Variants in SMCHD1 observed in about 807,000 individuals in gnomAD.
SMCHD1 encodes the protein structural maintenance of chromosomes flexible hinge domain containing 1.
Under a neutral mutation model 254.7 loss-of-function variants are expected in SMCHD1, and 78 were observed. The ratio of observed to expected loss-of-function variants is 0.31; its 90% CI spans 0.26 to 0.37. The LOEUF (loss-of-function observed/expected upper bound fraction) is 0.37, where lower values mean the gene tolerates loss of function less well. SMCHD1 is among the 10% of genes least tolerant of loss of function. The pLI, the probability that SMCHD1 is intolerant of heterozygous loss-of-function variation, is 1.00. For missense variants in SMCHD1, 1,840 were observed against 2,408.1 expected (o/e 0.76, Z 4.94); for synonymous variants, 766 against 794.9 (o/e 0.96, Z 0.61).
chr18:2,770,120 T>C lies in SMCHD1; in HGVS notation c.4966+12T>C. 1 of 1,597,166 alleles carries C rather than the reference T, an allele frequency of 6.3e-7. No individual in the cohort carries two copies. ...TAATGAAATGAAATGTAAGTCATTT[T>C]GTATTCAAGACAAAAATTATGCTTT... On this transcript the variant is annotated intron_variant, in intron 39 of 47. Coordinates refer to ENST00000320876, the MANE Select transcript of SMCHD1 (RefSeq NM_015295.3).
At chr18:2,681,001 C>G (rs995330237) in intron 5 of SMCHD1, among the ~76,000 whole-genome samples, 8 of 152,162 alleles carry the variant, frequency 5.3e-5, no homozygotes, top group Admixed American at 4.6e-4. Context: ...CTCAGTGGCT[C>G]ACACCTGTAA....
At chr18:2,793,512 A>G (rs113509563) in intron 45 of SMCHD1, among the ~76,000 whole-genome samples, 3,434 of 152,114 alleles carry the variant, frequency 0.023, 51 homozygotes, top group African/African-American at 0.037. Flanking sequence ...AAATACAAAA[A>G]AAATCAGCTG....
intron 8 of SMCHD1, among the ~76,000 whole-genome samples, chr18:2,695,200 A>G (rs2074260696): frequency 6.6e-6 from 1 of 152,218 alleles, no homozygotes; most frequent in Admixed American, 6.5e-5. Context: ...CCTATATGAC[A>G]TTAGTACTGA....
chr18:2,666,170 C>T lies in SMCHD1; in HGVS notation c.200C>T (p.Ser67Leu), dbSNP rs1339052681. 14 of 1,530,000 alleles carry T rather than the reference C, an allele frequency of 9.2e-6. No individual in the cohort carries two copies. The highest frequency in any genetic ancestry group is 2.7e-5 in the African/African-American group (2 of 73,210). 94.8% of individuals were successfully genotyped at this position (1,530,000 alleles called of 1,614,324 possible). The change falls in exon 2 of 48, where the codon TCA becomes TTA. Residue 67 changes from serine (S) to leucine (L), a missense_variant. By Grantham distance (145) the Ser-to-Leu change is moderately radical. Around this residue, in one of 9 missense-constraint regions of SMCHD1, gnomAD observed 115 missense variants for 99.1 expected, o/e 1.16. Coordinates refer to ENST00000320876, the MANE Select transcript of SMCHD1 (RefSeq NM_015295.3). ...TATTTTGGATAGACACTTGGCATTT[C>T]ACCTGAAGAAAAATTTGTTATTACA... Reference protein sequence around the residue: ...RACVCQTLGISPEEKFVITTT... With the variant: ...RACVCQTLGILPEEKFVITTT...
chr18:2,791,096 A>G (rs767364038), intron 45 of SMCHD1, among the ~76,000 whole-genome samples: 4 of 152,234 alleles, frequency 2.6e-5, no homozygotes, highest in Non-Finnish European at 5.9e-5. Context: ...ATATAATCTT[A>G]CAGTAAGCAG....
intron 36 of SMCHD1, among the ~76,000 whole-genome samples, chr18:2,762,791 A>G (rs1285952050): frequency 2.6e-5 from 4 of 152,124 alleles, no homozygotes; most frequent in Non-Finnish European, 5.9e-5. Flanking sequence ...CCCAGCTGCT[A>G]CCTTTTCTAA....
At position 2,732,576 on chromosome 18, in the gene SMCHD1, G is replaced by A. The variant is rs564471371; in HGVS notation, c.3276+84G>A. ...GACTGAACAAGCCGTTTTATGGGTAGCATCTAAAAAAGAAGCTTGTCACAG... is the reference window on the plus strand; with the variant it reads ...GACTGAACAAGCCGTTTTATGGGTAACATCTAAAAAAGAAGCTTGTCACAG... On this transcript the variant is annotated intron_variant, in intron 25 of 47. Coordinates refer to ENST00000320876, the MANE Select transcript of SMCHD1 (RefSeq NM_015295.3). 5.5e-4 allele frequency: 444 copies of A among 802,152 alleles called. 6 individuals carry two copies. In the South Asian group the frequency reaches 8.5e-3, roughly 15 times the overall value. 49.7% of individuals were successfully genotyped at this position (802,152 alleles called of 1,614,324 possible).
intron 47 of SMCHD1, 36 bp downstream of exon 47, chr18:2,796,557 GT>G: frequency 7.4e-7 from 1 of 1,348,350 alleles, no homozygotes; most frequent in Non-Finnish European, 1.0e-6. Flanking sequence ...TGCTTGGTTA[GT>G]TTACCAAAGT....
Position 2,776,519 on chromosome 18 carries a change from A to G in SMCHD1, c.5366+595A>G, listed in dbSNP as rs1047206777. Among the ~76,000 whole-genome samples the G allele has an allele frequency of 2.6e-4, 39 of 151,924 alleles. 1 individual carries two copies. Among genetic ancestry groups the G allele is most frequent in the Non-Finnish European group, 1.5e-4 (10 of 67,978 alleles). ...TCACTGCACCCAGCCCCTTTTTTATATTTTATATGTACCCTGATTAGGCCT... is the reference window on the plus strand; with the variant it reads ...TCACTGCACCCAGCCCCTTTTTTATGTTTTATATGTACCCTGATTAGGCCT... On this transcript the variant is annotated intron_variant, in intron 42 of 47. Transcript: ENST00000320876.
At chr18:2,796,694 C>A in intron 47 of SMCHD1, 173 bp downstream of exon 47, 1 of 553,936 alleles carries the variant, frequency 1.8e-6, no homozygotes. Flanking sequence ...GATTCTTGTG[C>A]CTCAGCCTCC....
intron 19 of SMCHD1, among the ~76,000 whole-genome samples, chr18:2,721,320 T>C (rs1449425523): frequency 6.6e-6 from 1 of 152,200 alleles, no homozygotes; most frequent in Non-Finnish European, 1.5e-5. Flanking sequence ...TACAGGGTTT[T>C]TGGAGAGAAC....
In SMCHD1 at chr18:2,673,289, C is replaced by G. The variant is rs529369043; in HGVS notation, c.433C>G (p.Leu145Val). Reference sequence around the variant, plus strand: ...TTCTTGATCTCTTGCAGCATTTGCTCTTGCGGAATTAATTGACAATTCATT... The same window carrying G: ...TTCTTGATCTCTTGCAGCATTTGCTGTTGCGGAATTAATTGACAATTCATT... The part of the protein sequence containing the change: ...SEGQNPLPFA[L>V]AELIDNSLSA... The change falls in exon 4 of 48, where the codon CTT becomes GTT. Residue 145 changes from leucine (L) to valine (V), a missense_variant. By Grantham distance (32) the Leu-to-Val change is conservative (BLOSUM62 1). Transcript: ENST00000320876. The G allele has an allele frequency of 7.5e-6, 12 of 1,594,250 alleles. No individual in the cohort carries two copies. In the East Asian group the frequency reaches 1.6e-4, roughly 21 times the overall value.
chr18:2,699,952 A>G (rs1240192479), intron 10 of SMCHD1, among the ~76,000 whole-genome samples: 3 of 152,248 alleles, frequency 2.0e-5, no homozygotes, highest in Non-Finnish European at 2.9e-5. Flanking sequence ...GTGTGTTGCT[A>G]ATAAACATAA....
rs769432583 is a variant in SMCHD1, at chr18:2,708,907, T to TATATATA, written c.2260+988_2260+989insTATATAA. Among the ~76,000 whole-genome samples, 9 of 44,706 alleles carry TATATATA rather than the reference T, an allele frequency of 2.0e-4. 1 individual carries two copies. The highest frequency in any genetic ancestry group is 5.9e-4 in the African/African-American group (7 of 11,892). 29.3% of individuals were successfully genotyped at this position (44,706 alleles called of 152,430 possible). ...ATATATATATATATATATATATATA[T>TATATATA]AACATATTAACATGAAATTTATGAA... is the stretch of plus-strand genomic sequence containing the variant. On this transcript the variant is annotated intron_variant, in intron 17 of 47. Transcript: ENST00000320876.
intron 45 of SMCHD1, among the ~76,000 whole-genome samples, chr18:2,793,667 AAAAAG>A (rs1247095041): frequency 6.8e-5 from 10 of 146,088 alleles, no homozygotes; most frequent in African/African-American, 1.3e-4. Context: ...AAAAAAAAAA[AAAAAG>A]AAAGAAAACA....
chr18:2,767,397 T>C (rs1218974953), intron 37 of SMCHD1, among the ~76,000 whole-genome samples: 1 of 152,114 alleles, frequency 6.6e-6, no homozygotes, highest in Non-Finnish European at 1.5e-5. Flanking sequence ...AAAAAGTTTT[T>C]AAGGTAGTAA....
At chr18:2,792,540 T>A (rs1005215794) in intron 45 of SMCHD1, among the ~76,000 whole-genome samples, 2 of 152,200 alleles carry the variant, frequency 1.3e-5, no homozygotes, top group African/African-American at 4.8e-5. Context: ...AGACATCCAC[T>A]GGGGGTCTTG....
chr18:2,701,014 C>A, intron 12 of SMCHD1, 96 bp downstream of exon 12: 2 of 919,296 alleles, frequency 2.2e-6, no homozygotes, highest in African/African-American at 1.6e-5. Context: ...TGATATTTTG[C>A]ATCAAAAGAC....
intron 1 of SMCHD1, among the ~76,000 whole-genome samples, chr18:2,659,779 AAAAG>A (rs1378736888): frequency 2.7e-5 from 4 of 147,166 alleles, no homozygotes; most frequent in Non-Finnish European, 5.9e-5. Context: ...AAAAAAAAAA[AAAAG>A]CAGAAAACTA....
Sources: allele counts gnomAD v4.1 joint callset (sites outside exome capture counted in the v4.1 genomes callset), GRCh38; gene constraint gnomAD v4.1.1; regional missense constraint gnomAD v4.1.1; transcripts MANE v1.5; gene names NCBI Gene and HGNC (gene_info 2026-07-23, HGNC 2026-07-21).